LRFN5: variants seen among roughly 807,000 people sequenced by gnomAD.
LRFN5 encodes leucine-rich repeat and fibronectin type-III domain-containing protein 5.
LRFN5 carries 24 observed loss-of-function variants against 45.6 expected under a neutral mutation model. That is an observed-to-expected ratio of 0.53 (90% CI 0.38 to 0.74). LRFN5 has a LOEUF of 0.74. Among genes scored for constraint, LRFN5 ranks in the 30% least tolerant of loss-of-function variants. LRFN5 has a pLI of 0.00. For missense variants in LRFN5, 776 were observed against 861.5 expected (o/e 0.90, Z 1.24); for synonymous variants, 340 against 313.8 (o/e 1.08, Z -0.88).
At chr14:41,898,992 A>G (rs1168284982) in intron 5 of LRFN5, 32 bp downstream of exon 5, 3 of 1,554,632 alleles carry the variant, frequency 1.9e-6, no homozygotes, top group African/African-American at 1.4e-5. Context: ...ACTTACTTCA[A>G]CACTTAAATG....
At chr14:41,759,391 TAATA>T (rs924458187) in intron 1 of LRFN5, among the ~76,000 whole-genome samples, 11 of 151,904 alleles carry the variant, frequency 7.2e-5, no homozygotes, top group African/African-American at 2.4e-4. Context: ...CCACTGACTT[TAATA>T]TATATGTTCC....
intron 1 of LRFN5, among the ~76,000 whole-genome samples, chr14:41,638,763 T>C (rs1427678976): frequency 2.0e-5 from 3 of 152,100 alleles, no homozygotes; most frequent in African/African-American, 7.2e-5. Context: ...AACTAAATTA[T>C]GTAATGTATA....
chr14:41,745,285 C>A (rs1884875594), intron 1 of LRFN5, among the ~76,000 whole-genome samples: 1 of 151,980 alleles, frequency 6.6e-6, no homozygotes, highest in South Asian at 2.1e-4. Flanking sequence ...TTAAATAACA[C>A]AAATGGGTCA....
At chr14:41,707,512 T>C (rs1244891161) in intron 1 of LRFN5, among the ~76,000 whole-genome samples, 1 of 152,166 alleles carries the variant, frequency 6.6e-6, no homozygotes, top group African/African-American at 2.4e-5. Flanking sequence ...ATTAAGTATG[T>C]TAGCATTAGT....
intron 1 of LRFN5, among the ~76,000 whole-genome samples, chr14:41,716,178 T>C (rs551405358): frequency 3.3e-5 from 5 of 152,250 alleles, no homozygotes; most frequent in African/African-American, 1.2e-4. Context: ...TTTTTCCTCC[T>C]CAGCCTTTGG....
intron 1 of LRFN5, among the ~76,000 whole-genome samples, chr14:41,637,407 C>A (rs1278743992): frequency 6.6e-6 from 1 of 151,210 alleles, no homozygotes; most frequent in East Asian, 1.9e-4. Flanking sequence ...CTTTTTTTTT[C>A]CCTTTTCCAA....
intron 2 of LRFN5, among the ~76,000 whole-genome samples, chr14:41,781,720 A>T (rs1886535829): frequency 6.6e-6 from 1 of 151,870 alleles, no homozygotes; most frequent in Non-Finnish European, 1.5e-5. Flanking sequence ...GAGAGAGAGG[A>T]AAGAAGGAAG....
At chr14:41,847,793 A>G (rs1889121356) in intron 2 of LRFN5, among the ~76,000 whole-genome samples, 1 of 152,106 alleles carries the variant, frequency 6.6e-6, no homozygotes, top group Admixed American at 6.6e-5. Flanking sequence ...AATGCTTTTC[A>G]CATACATACT....
intron 1 of LRFN5, chr14:41,699,577 TAGA>T (rs998996301): frequency 1.3e-5 from 2 of 152,096 alleles, no homozygotes; most frequent in African/African-American, 4.8e-5. Flanking sequence ...CTTAGGAACT[TAGA>T]AGTTCAGCAG....
At chr14:41,610,683 A>AAAAAAAAAAAAAAAAAAAAAAAAT (rs1887720009) in intron 1 of LRFN5, among the ~76,000 whole-genome samples, 4 of 144,660 alleles carry the variant, frequency 2.8e-5, no homozygotes, top group Admixed American at 7.0e-5. Context: ...AAAAAAAAAA[A>AAAAAAAAAAAAAAAAAAAAAAAAT]GTGTATTGCC....
At chr14:41,822,298 C>T (rs1467042938) in intron 2 of LRFN5, among the ~76,000 whole-genome samples, 1 of 151,880 alleles carries the variant, frequency 6.6e-6, no homozygotes, top group Non-Finnish European at 1.5e-5. Flanking sequence ...GCATTTATTA[C>T]TATAAACTCT....
At chr14:41,754,655 T>C (rs964566839) in intron 1 of LRFN5, among the ~76,000 whole-genome samples, 2 of 152,220 alleles carry the variant, frequency 1.3e-5, no homozygotes, top group Non-Finnish European at 2.9e-5. Flanking sequence ...TTCTTCTCTC[T>C]TTTCTTCTTT....
Position 41,802,764 on chromosome 14 carries a change from G to T in LRFN5, c.-21+35735G>T, listed in dbSNP as rs559153870. On this transcript the variant is annotated intron_variant, in intron 2 of 5. Coordinates refer to ENST00000298119, the MANE Select transcript of LRFN5 (RefSeq NM_152447.5). ...TTTTTTTCCTTTTCTGTAGCTTTAGGCTCCAAAAATATCACTTACTCAGAG... is the reference window on the plus strand; with the variant it reads ...TTTTTTTCCTTTTCTGTAGCTTTAGTCTCCAAAAATATCACTTACTCAGAG... Among the ~76,000 whole-genome samples, 13 of 151,974 alleles carry T rather than the reference G, an allele frequency of 8.6e-5. No homozygotes were observed. In the South Asian group the frequency reaches 2.7e-3, roughly 32 times the overall value.
chr14:41,812,964 A>G (rs966445399), intron 2 of LRFN5, among the ~76,000 whole-genome samples: 1 of 152,168 alleles, frequency 6.6e-6, no homozygotes, highest in African/African-American at 2.4e-5. Context: ...GTAGCTTTCA[A>G]CTGAGGAAAA....
At chr14:41,884,264 C>G (rs1890487877) in intron 2 of LRFN5, among the ~76,000 whole-genome samples, 1 of 152,170 alleles carries the variant, frequency 6.6e-6, no homozygotes, top group Admixed American at 6.5e-5. Context: ...TATTCACTTC[C>G]AATGTCCAAA....
At chr14:41,672,910 T>C (rs1251300640) in intron 1 of LRFN5, among the ~76,000 whole-genome samples, 4 of 152,172 alleles carry the variant, frequency 2.6e-5, no homozygotes, top group African/African-American at 9.7e-5. Context: ...ACTAAGAATA[T>C]ACAATTTAAT....
rs151006633 is a variant in LRFN5 at position 41,886,883 on chromosome 14, A to G, written c.258A>G (p.Thr86=). The G allele has an allele frequency of 1.9e-3, 3,104 of 1,614,212 alleles. 5 individuals carry two copies. Among genetic ancestry groups the G allele is most frequent in the Non-Finnish European group, 2.4e-3 (2,824 of 1,180,026 alleles). ...SLVDLTLSRN[T]ISFITPHAFA... ...TGGACCTGACTCTATCCAGGAATAC[A>G]ATAAGTTTTATTACACCTCATGCTT... Residue 86 remains threonine (T), a synonymous_variant, in exon 3 of 6, where the codon ACA becomes ACG. Coordinates refer to ENST00000298119, the MANE Select transcript of LRFN5 (RefSeq NM_152447.5).
intron 2 of LRFN5, among the ~76,000 whole-genome samples, chr14:41,826,275 C>T (rs1888291876): frequency 6.6e-6 from 1 of 152,122 alleles, no homozygotes; most frequent in South Asian, 2.1e-4. Flanking sequence ...TTAAAAGTGA[C>T]TTTCTGCTTT....
At chr14:41,685,339 C>T (rs8009740) in intron 1 of LRFN5, among the ~76,000 whole-genome samples, 92,478 of 151,424 alleles carry the variant, frequency 0.61, 29,686 homozygotes, top group East Asian at 0.98. Context: ...TGAAGAGATA[C>T]CTGTACCCCC....
Sources: gnomAD v4.1 joint callset for allele counts (sites outside exome capture counted in the v4.1 genomes callset) on GRCh38, gnomAD v4.1.1 for gene constraint, MANE v1.5 for transcripts, NCBI Gene and HGNC (gene_info 2026-07-23, HGNC 2026-07-21) for gene names.